PPM1F: variants seen among roughly 807,000 people sequenced by gnomAD.
The protein encoded by PPM1F is protein phosphatase 1F.
A neutral mutation model predicts 35.5 loss-of-function variants in PPM1F; 17 were observed. The observed-to-expected ratio is 0.48, with a 90% confidence interval of 0.33 to 0.72. The LOEUF is 0.72. Among genes scored for constraint, PPM1F ranks in the 30% least tolerant of loss-of-function variants. The pLI is 0.02. For missense variants in PPM1F, 521 were observed against 613.0 expected (o/e 0.85, Z 1.59); for synonymous variants, 241 against 255.5 (o/e 0.94, Z 0.54).
At chr22:21,925,296 T>C (rs1053558608) in intron 7 of PPM1F, 1 of 430,010 alleles carries the variant, frequency 2.3e-6, no homozygotes, top group South Asian at 7.4e-5. Context: ...TTCCAGCCCA[T>C]AGGGTGGTGA....
chr22:21,931,703 G>A (rs1164259304), intron 5 of PPM1F, among the ~76,000 whole-genome samples: 1 of 151,796 alleles, frequency 6.6e-6, no homozygotes, highest in Non-Finnish European at 1.5e-5. Flanking sequence ...TAGTAGAGAC[G>A]GGGTTTTGCC....
intron 2 of PPM1F, chr22:21,943,032 T>C (rs548879812): frequency 1.3e-5 from 2 of 152,382 alleles, no homozygotes; most frequent in South Asian, 4.1e-4. Flanking sequence ...GACTCAAATA[T>C]GTGACAGGAG....
chr22:21,925,363 G>A, intron 7 of PPM1F: 2 of 545,412 alleles, frequency 3.7e-6, no homozygotes, highest in Non-Finnish European at 3.4e-6. Flanking sequence ...ATAACATACA[G>A]TGTAACTTAC....
In PPM1F at chr22:21,923,452, G is replaced by C. The variant is rs111806563; in HGVS notation, c.1005C>G (p.Pro335=). 6 of 1,606,426 alleles carry C rather than the reference G, an allele frequency of 3.7e-6. No homozygotes were observed. Among genetic ancestry groups the C allele is most frequent in the Non-Finnish European group, 5.1e-6 (6 of 1,174,416 alleles). The change falls in exon 8 of 8, where the codon CCC becomes CCG. Residue 335 remains proline (P), a synonymous_variant. Transcript: ENST00000263212. The part of the protein sequence containing the change: ...SRAIGDVFQK[P]YVSGEADAAS... ...CTGCATCGGCCTCCCCAGACACGTA[G>C]GGCTTCTGGAAGACATCCCCTGGAC... is the stretch of plus-strand genomic sequence containing the variant.
intron 7 of PPM1F, among the ~76,000 whole-genome samples, chr22:21,924,222 C>T (rs1454115343): frequency 6.6e-6 from 1 of 151,548 alleles, no homozygotes; most frequent in African/African-American, 2.4e-5. Flanking sequence ...AGCCTGAGAC[C>T]CGGCACTGAC....
At chr22:21,933,332 G>C in intron 5 of PPM1F, 59 bp downstream of exon 5, 1 of 1,493,762 alleles carries the variant, frequency 6.7e-7, no homozygotes, top group South Asian at 1.2e-5. Flanking sequence ...TCCCGCTGCA[G>C]AGGCTGGGAC....
At chr22:21,925,883 G>GAAATGAAC in intron 6 of PPM1F, 1 of 458,246 alleles carries the variant, frequency 2.2e-6, no homozygotes, top group Non-Finnish European at 3.9e-6. Context: ...CAGGAATGGT[G>GAAATGAAC]AAATGAACGG....
chr22:21,946,482 GC>G (rs2070778671), intron 1 of PPM1F: 1 of 157,124 alleles, frequency 6.4e-6, no homozygotes, highest in African/African-American at 2.4e-5. Context: ...AGCCAGGAGG[GC>G]TCTGAGGTGA....
Position 21,923,108 on chromosome 22 carries a change from G to T in PPM1F, c.1349C>A (p.Ala450Asp), listed in dbSNP as rs1441189538. Residue 450 changes from alanine (A) to aspartate (D), a missense_variant, in exon 8 of 8, where the codon GCT (alanine) becomes GAT (aspartate). Transcript: ENST00000263212. ...PSSLPEPETQ[A>D]PPRS ...GGAAACCACCTAGCTTCTTGGTGGA[G>T]CCTGGGTCTCAGGTTCTGGAAGGCT... is the stretch of plus-strand genomic sequence containing the variant. 1.9e-6 allele frequency: 3 copies of T among 1,607,398 alleles called. No individual in the cohort carries two copies. The highest frequency in any genetic ancestry group is 2.7e-5 in the African/African-American group (2 of 74,596).
chr22:21,931,341 G>C (rs766375597), intron 5 of PPM1F, 50 bp from the exon 6 acceptor site: 44 of 1,573,274 alleles, frequency 2.8e-5, no homozygotes, highest in Middle Eastern at 1.9e-4. Flanking sequence ...GGGAAGGGCA[G>C]AGGATGACAC....
Position 21,946,044 on chromosome 22 carries a change from G to A in PPM1F, c.5C>T (p.Ser2Phe), listed in dbSNP as rs770042220. Residue 2 changes from serine to phenylalanine, a missense_variant, in exon 2 of 8, where the codon TCC becomes TTC. Ser to Phe is a radical substitution (Grantham distance 155). Coordinates refer to ENST00000263212, the MANE Select transcript of PPM1F (RefSeq NM_014634.4). M[S>F]SGAPQKSSPM... ...GCTGCTCTTCTGTGGGGCTCCAGAGGACATGCCCAAAGCATCCCGGGGGCC... is the reference window on the plus strand; with the variant it reads ...GCTGCTCTTCTGTGGGGCTCCAGAGAACATGCCCAAAGCATCCCGGGGGCC... 4 of 1,529,710 alleles carry A rather than the reference G, an allele frequency of 2.6e-6. No homozygotes were observed. The highest frequency in any genetic ancestry group is 3.5e-6 in the Non-Finnish European group (4 of 1,135,698). The allele number at this position is 1,529,710 out of a possible 1,614,324, so 94.8% of individuals were successfully genotyped here.
chr22:21,934,126 CTG>C lies in PPM1F; in HGVS notation c.454_455del (p.Gln152AlafsTer35). 1.3e-6 allele frequency: 2 copies of C among 1,570,182 alleles called. No homozygotes were observed. The highest frequency in any genetic ancestry group is 8.6e-7 in the Non-Finnish European group (1 of 1,157,788). Reference protein sequence around the residue: ...KQVPLAARASQRQWLVSIHAI... With the variant: ...KQVPLAARASXRQWLVSIHAI... ...CGTGGATGGAGACCAGCCACTGCCG[CTG>C]TGAGGCCCGGGCAGCCAATGGCACC... On this transcript the variant is annotated frameshift_variant, in exon 4 of 8. Coordinates refer to ENST00000263212, the MANE Select transcript of PPM1F (RefSeq NM_014634.4). LOFTEE classifies it high-confidence loss of function.
intron 3 of PPM1F, chr22:21,938,413 A>T: frequency 8.6e-7 from 1 of 1,156,684 alleles, no homozygotes; most frequent in Non-Finnish European, 1.1e-6. Flanking sequence ...GCTCCCAGGG[A>T]ATGCGGGCAG....
chr22:21,922,152 T>G lies in PPM1F; in HGVS notation c.*940A>C, dbSNP rs1189696577. ...GTTTCTTCAAAGCTGTGTAAGGCAC[T>G]TGAATGGCTTATTAACACCACCTGG... On this transcript the variant is annotated 3_prime_UTR_variant, in exon 8 of 8. Transcript: ENST00000263212. 1 of 152,658 alleles carries G rather than the reference T, an allele frequency of 6.6e-6. No homozygotes were observed. Among genetic ancestry groups the G allele is most frequent in the African/African-American group, 2.4e-5 (1 of 41,456 alleles). The allele number at this position is 152,658 out of a possible 1,614,324, so 9.5% of individuals were successfully genotyped here.
chr22:21,946,223 AG>A, intron 1 of PPM1F, 115 bp from the exon 2 acceptor site: 1 of 500,386 alleles, frequency 2.0e-6, no homozygotes, highest in Non-Finnish European at 3.4e-6. Flanking sequence ...GGGCCACTAG[AG>A]GGTGGAGGGA....
Position 21,922,807 on chromosome 22 carries a change from C to T in PPM1F, c.*285G>A, listed in dbSNP as rs1223558997. On this transcript the variant is annotated 3_prime_UTR_variant, in exon 8 of 8. Coordinates refer to ENST00000263212, the MANE Select transcript of PPM1F (RefSeq NM_014634.4). ...TTGGCTGCCGTTGGGCACCTATGACCTCTGGTCCCACCCCGGGCCTAATAG... is the reference window on the plus strand; with the variant it reads ...TTGGCTGCCGTTGGGCACCTATGACTTCTGGTCCCACCCCGGGCCTAATAG... The T allele has an allele frequency of 4.8e-6, 2 of 417,654 alleles. No homozygotes were observed. The highest frequency in any genetic ancestry group is 8.6e-6 in the Non-Finnish European group (2 of 232,822). The allele number at this position is 417,654 out of a possible 1,614,324, so 25.9% of individuals were successfully genotyped here.
chr22:21,930,656 A>T (rs554178686), intron 6 of PPM1F, among the ~76,000 whole-genome samples: 1 of 152,344 alleles, frequency 6.6e-6, no homozygotes, highest in South Asian at 2.1e-4. Flanking sequence ...CAACCTCAGG[A>T]GACACATGGA....
Position 21,922,307 on chromosome 22 carries a change from G to C in PPM1F, c.*785C>G, listed in dbSNP as rs2070456151. ...AAGAATAAAATAAATGCTAAGCTCT[G>C]CTTAAATTATATGACACAACAGGTC... On this transcript the variant is annotated 3_prime_UTR_variant, in exon 8 of 8. Transcript: ENST00000263212. 1 of 152,538 alleles carries C rather than the reference G, an allele frequency of 6.6e-6. No individual in the cohort carries two copies. Among genetic ancestry groups the C allele is most frequent in the African/African-American group, 2.4e-5 (1 of 41,434 alleles). The allele number at this position is 152,538 out of a possible 1,614,324, so 9.4% of individuals were successfully genotyped here.
rs2070423095 is a variant in PPM1F at position 21,919,542 on chromosome 22, AG to A, written c.*3549del. On this transcript the variant is annotated 3_prime_UTR_variant, in exon 8 of 8. Transcript: ENST00000263212. ...AGACAGTCATCCTGTCCTGGAGCAA[AG>A]CTCCCCCTTGCACAGGAACACAACT... 6.6e-6 allele frequency: 1 copy of A among 152,536 alleles called. No homozygotes were observed. The highest frequency in any genetic ancestry group is 6.5e-5 in the Admixed American group (1 of 15,274). The allele number at this position is 152,536 out of a possible 1,614,324, so 9.4% of individuals were successfully genotyped here. A position where few individuals can be genotyped will look rare whatever the true frequency, so the allele number is the denominator to read the frequency against.
Sources: gnomAD v4.1 joint callset for allele counts (sites outside exome capture counted in the v4.1 genomes callset) on GRCh38, gnomAD v4.1.1 for gene constraint, MANE v1.5 for transcripts, NCBI Gene and HGNC (gene_info 2026-07-23, HGNC 2026-07-21) for gene names.